Variants in AKAP7 observed in about 807,000 individuals in gnomAD.
The protein encoded by AKAP7 is A-kinase anchoring protein 7, also known as A kinase (PRKA) anchor protein 7.
In AKAP7, 39 loss-of-function variants were observed where a neutral mutation model predicts 39.5. The ratio of observed to expected loss-of-function variants is 0.99; its 90% confidence interval spans 0.76 to 1.29. AKAP7 has a LOEUF of 1.29. Among genes scored for constraint, AKAP7 ranks in the 50% most tolerant of loss-of-function variants. The pLI is 0.00. For missense variants in AKAP7, 414 were observed against 407.7 expected (o/e 1.02, Z -0.13); for synonymous variants, 140 against 139.1 (o/e 1.01, Z -0.05).
At chr6:131,179,210 G>C (rs906876650) in intron 5 of AKAP7, among the ~76,000 whole-genome samples, 4 of 151,980 alleles carry the variant, frequency 2.6e-5, no homozygotes, top group Admixed American at 6.5e-5. Context: ...GTCTCGCCCT[G>C]TTGCCCAGGC....
chr6:131,238,551 G>A (rs1213517396), intron 7 of AKAP7, among the ~76,000 whole-genome samples: 1 of 152,152 alleles, frequency 6.6e-6, no homozygotes, highest in Non-Finnish European at 1.5e-5. Context: ...AAGTCTCTTT[G>A]TAGGTCTCTA....
At chr6:131,186,287 C>T (rs1012828718) in intron 5 of AKAP7, among the ~76,000 whole-genome samples, 13 of 152,032 alleles carry the variant, frequency 8.6e-5, no homozygotes, top group South Asian at 2.1e-4. Context: ...GTGAGATGCC[C>T]GCTCCCCTGT....
chr6:131,214,321 CT>C (rs1036354771), intron 6 of AKAP7, among the ~76,000 whole-genome samples: 2 of 152,152 alleles, frequency 1.3e-5, no homozygotes, highest in African/African-American at 4.8e-5. Context: ...GGTAGAGTTT[CT>C]GCTTTTTCTT....
intron 7 of AKAP7, among the ~76,000 whole-genome samples, chr6:131,247,646 G>A (rs1046088823): frequency 2.6e-5 from 4 of 151,316 alleles, no homozygotes; most frequent in Admixed American, 6.6e-5. Flanking sequence ...ATAGAGACAG[G>A]GTCTCACTCG....
intron 7 of AKAP7, among the ~76,000 whole-genome samples, chr6:131,241,296 A>AG (rs1455641197): frequency 1.3e-5 from 2 of 152,202 alleles, no homozygotes; most frequent in African/African-American, 4.8e-5. Context: ...AAGGAGAAGG[A>AG]GGAGGGGTGC....
chr6:131,233,840 A>G (rs764445868), intron 7 of AKAP7, among the ~76,000 whole-genome samples: 32 of 152,340 alleles, frequency 2.1e-4, no homozygotes, highest in Non-Finnish European at 4.0e-4. Flanking sequence ...ATTAGAATTT[A>G]CGAAACCTCT....
At chr6:131,244,599 G>T (rs1422410381) in intron 7 of AKAP7, among the ~76,000 whole-genome samples, 1 of 152,172 alleles carries the variant, frequency 6.6e-6, no homozygotes, top group African/African-American at 2.4e-5. Context: ...TATCCATGCC[G>T]TTAAATGTTG....
At chr6:131,162,300 G>A (rs1803047256) in intron 3 of AKAP7, among the ~76,000 whole-genome samples, 1 of 152,222 alleles carries the variant, frequency 6.6e-6, no homozygotes, top group African/African-American at 2.4e-5. Context: ...CCTGTCCGCA[G>A]CTTTTAGTTT....
At chr6:131,146,565 T>A (rs1013289413) in intron 2 of AKAP7, among the ~76,000 whole-genome samples, 1 of 152,228 alleles carries the variant, frequency 6.6e-6, no homozygotes, top group South Asian at 2.1e-4. Context: ...TTGTCCAGGT[T>A]ACTTGTGGGG....
intron 7 of AKAP7, chr6:131,242,153 T>C: frequency 5.1e-6 from 5 of 984,988 alleles, no homozygotes; most frequent in Non-Finnish European, 6.0e-6. Flanking sequence ...TGTGGTTCTA[T>C]TTGATCTTCT....
At chr6:131,164,619 A>G (rs1490694340) in intron 3 of AKAP7, 1 of 332,702 alleles carries the variant, frequency 3.0e-6, no homozygotes, top group Non-Finnish European at 5.9e-6. Flanking sequence ...GTTCACAGAC[A>G]CATTCACTTG....
chr6:131,213,896 T>C (rs2128293581), intron 6 of AKAP7, among the ~76,000 whole-genome samples: 1 of 152,254 alleles, frequency 6.6e-6, no homozygotes, highest in African/African-American at 2.4e-5. Flanking sequence ...GTATTGAGCC[T>C]GCAACTTTGA....
chr6:131,224,250 T>G (rs905546614), intron 7 of AKAP7, among the ~76,000 whole-genome samples: 1 of 152,226 alleles, frequency 6.6e-6, no homozygotes, highest in Admixed American at 6.5e-5. Context: ...TTATCAATCT[T>G]ACCTATATTT....
At chr6:131,201,212 C>G (rs1339261361) in intron 6 of AKAP7, among the ~76,000 whole-genome samples, 1 of 152,128 alleles carries the variant, frequency 6.6e-6, no homozygotes, top group Non-Finnish European at 1.5e-5. Flanking sequence ...CTCCCACTGG[C>G]CAGCTCCAGT....
chr6:131,274,258 T>A (rs1814558012), intron 7 of AKAP7, among the ~76,000 whole-genome samples: 1 of 152,190 alleles, frequency 6.6e-6, no homozygotes, highest in Non-Finnish European at 1.5e-5. Context: ...ATCACATTTC[T>A]TGGGATTCTT....
chr6:131,253,210 A>C (rs1562245586), intron 7 of AKAP7: 7 of 1,072,248 alleles, frequency 6.5e-6, no homozygotes, highest in Non-Finnish European at 9.6e-6. Flanking sequence ...TTGATTTATT[A>C]GTGCTACTGT....
At chr6:131,169,820 TTCATG>T (rs902783603) in intron 5 of AKAP7, among the ~76,000 whole-genome samples, 15 of 151,966 alleles carry the variant, frequency 9.9e-5, no homozygotes, top group Non-Finnish European at 1.6e-4. Context: ...TTCACTTCAT[TTCATG>T]TCATGTCATG....
chr6:131,247,269 G>GTA (rs60033504), intron 7 of AKAP7, among the ~76,000 whole-genome samples: 1,559 of 91,252 alleles, frequency 0.017, 31 homozygotes, highest in Non-Finnish European at 0.023. Context: ...CATTTCATAT[G>GTA]TATATATATA....
chr6:131,164,248 C>G, intron 3 of AKAP7: 1 of 407,972 alleles, frequency 2.5e-6, no homozygotes, highest in South Asian at 1.8e-5. Context: ...TAGGGCTTCT[C>G]TGTGCTCTCT....
Sources: allele counts gnomAD v4.1 joint callset (sites outside exome capture counted in the v4.1 genomes callset), GRCh38; gene constraint gnomAD v4.1.1; transcripts MANE v1.5; gene names NCBI Gene and HGNC (gene_info 2026-07-23, HGNC 2026-07-21).